CERK: variants seen among roughly 807,000 people sequenced by gnomAD.
CERK encodes acylsphingosine kinase.
CERK carries 39 observed loss-of-function variants against 63.4 expected under a neutral mutation model. The observed-to-expected ratio is 0.61, with a 90% confidence interval of 0.48 to 0.80. The LOEUF is 0.80. CERK is among the 30% of genes least tolerant of loss of function. The pLI is 0.00. For synonymous variants in CERK, 302 were observed against 280.0 expected (o/e 1.08, Z -0.78); for missense variants, 670 against 714.1 (o/e 0.94, Z 0.70).
chr22:46,699,129 C>G (rs996997371), intron 8 of CERK, among the ~76,000 whole-genome samples, 184 bp downstream of exon 8: 1 of 151,962 alleles, frequency 6.6e-6, no homozygotes, highest in African/African-American at 2.4e-5. Context: ...TTAGAGCAAT[C>G]CAGGTTCCAG....
At position 46,720,077 on chromosome 22, in the gene CERK, C is replaced by G; in HGVS notation, c.379+9G>C. 6.2e-7 allele frequency: 1 copy of G among 1,612,766 alleles called. No homozygotes were observed. Among genetic ancestry groups the G allele is most frequent in the Non-Finnish European group, 8.5e-7 (1 of 1,179,522 alleles). On this transcript the variant is annotated intron_variant, in intron 3 of 12. Transcript: ENST00000216264. ...GCCATCCTGTCTCTCAGTCCAAACACACACGTACTCAGCTTCTCCAGCATC... is the reference window on the plus strand; with the variant it reads ...GCCATCCTGTCTCTCAGTCCAAACAGACACGTACTCAGCTTCTCCAGCATC...
At position 46,738,133 on chromosome 22, in the gene CERK, C is replaced by T; in HGVS notation, c.16G>A (p.Ala6Thr). 2 of 1,214,796 alleles carry T rather than the reference C, an allele frequency of 1.6e-6. No homozygotes were observed. The highest frequency in any genetic ancestry group is 2.6e-5 in the South Asian group (1 of 38,770). 75.3% of individuals were successfully genotyped at this position (1,214,796 alleles called of 1,614,324 possible). A position where few individuals can be genotyped will look rare whatever the true frequency, so the allele number is the denominator to read the frequency against. ...AGCACGGATTGCAGCGGCTCCGCCG[C>T]CCCCGTCGCCCCCATCTCCGCCGCC... is the stretch of plus-strand genomic sequence containing the variant. MGATG[A>T]AEPLQSVLWV... Residue 6 changes from alanine to threonine, a missense_variant, in exon 1 of 13, where the codon GCG (alanine) becomes ACG (threonine). Transcript: ENST00000216264.
chr22:46,717,264 C>T (rs5767332), intron 3 of CERK, among the ~76,000 whole-genome samples: 4 of 152,312 alleles, frequency 2.6e-5, no homozygotes, highest in South Asian at 2.1e-4. Flanking sequence ...TACAACCCAG[C>T]GACTCCATTC....
At chr22:46,689,960 G>A (rs1193232111) in intron 12 of CERK, 32 bp downstream of exon 12, 1 of 1,541,696 alleles carries the variant, frequency 6.5e-7, no homozygotes, top group Admixed American at 1.9e-5. Flanking sequence ...TCAAGGGGAT[G>A]GCGCTGGTGG....
chr22:46,709,106 G>A (rs2146565861), intron 5 of CERK, among the ~76,000 whole-genome samples: 1 of 152,174 alleles, frequency 6.6e-6, no homozygotes, highest in East Asian at 1.9e-4. Context: ...TTCCCAGCGG[G>A]GCTGTGGTTT....
Position 46,738,164 on chromosome 22 carries a change from C to G in CERK, c.-16G>C. The G allele has an allele frequency of 8.6e-7, 1 of 1,164,998 alleles. No homozygotes were observed. The highest frequency in any genetic ancestry group is 1.1e-6 in the Non-Finnish European group (1 of 946,970). 72.2% of individuals were successfully genotyped at this position (1,164,998 alleles called of 1,614,324 possible). A position where few individuals can be genotyped will look rare whatever the true frequency, so the allele number is the denominator to read the frequency against. On this transcript the variant is annotated 5_prime_UTR_variant, in exon 1 of 13. Transcript: ENST00000216264. ...TCGCCCCCATCTCCGCCGCCGGGCTCGTCCGCCAGGCTGGGGGCGCGCGGA... is the reference window on the plus strand; with the variant it reads ...TCGCCCCCATCTCCGCCGCCGGGCTGGTCCGCCAGGCTGGGGGCGCGCGGA...
intron 12 of CERK, among the ~76,000 whole-genome samples, chr22:46,689,086 G>A (rs1319800090): frequency 2.0e-5 from 3 of 152,254 alleles, no homozygotes; most frequent in African/African-American, 7.2e-5. Context: ...CGCCCAGCCA[G>A]CCAGAGGAGG....
At chr22:46,697,540 C>T (rs936117964) in intron 8 of CERK, among the ~76,000 whole-genome samples, 4 of 152,058 alleles carry the variant, frequency 2.6e-5, no homozygotes, top group African/African-American at 9.7e-5. Flanking sequence ...AGGTCTCGCT[C>T]TGTTGCCCAG....
chr22:46,699,332 A>G lies in CERK; in HGVS notation c.924T>C (p.Leu308=). ...KDSEKKRWLG[L]ARYDFSGLKT... ...AGTTACCTGAAAAGTCGTATCTGGC[A>G]AGACCCAACCACCGTTTCTTCTCAC... The change falls in exon 8 of 13, where the codon CTT becomes CTC. Residue 308 remains leucine, a synonymous_variant. Transcript: ENST00000216264. The G allele has an allele frequency of 6.2e-7, 1 of 1,614,196 alleles. No homozygotes were observed. The highest frequency in any genetic ancestry group is 8.5e-7 in the Non-Finnish European group (1 of 1,180,036).
Position 46,695,335 on chromosome 22 carries a change from A to T in CERK, c.944-20T>A. The stretch of plus-strand genomic sequence containing the variant: ...TTAAACCTGGGAACAGAGTGCAGTG[A>T]AGAAAAAACATCCACAAGGGTCATT... On this transcript the variant is annotated intron_variant, in intron 8 of 12. Transcript: ENST00000216264. 1 of 1,346,094 alleles carries T rather than the reference A, an allele frequency of 7.4e-7. No homozygotes were observed. Among genetic ancestry groups the T allele is most frequent in the Non-Finnish European group, 1.1e-6 (1 of 935,522 alleles). 83.4% of individuals were successfully genotyped at this position (1,346,094 alleles called of 1,614,324 possible).
At chr22:46,737,960 C>T (rs2082983859) in intron 1 of CERK, 47 bp downstream of exon 1, 1 of 1,143,552 alleles carries the variant, frequency 8.7e-7, no homozygotes, top group African/African-American at 1.6e-5. Context: ...AAGCCGCCCC[C>T]GCTCCCTGGC....
At chr22:46,723,101 T>G (rs1159421925) in intron 1 of CERK, among the ~76,000 whole-genome samples, 1 of 152,156 alleles carries the variant, frequency 6.6e-6, no homozygotes, top group African/African-American at 2.4e-5. Context: ...AAGGACGCCC[T>G]GGGGTGAATC....
At chr22:46,737,031 C>T (rs1486015386) in intron 1 of CERK, among the ~76,000 whole-genome samples, 1 of 152,196 alleles carries the variant, frequency 6.6e-6, no homozygotes, top group East Asian at 1.9e-4. Context: ...CGGTTGCTCA[C>T]ACCTGTAATC....
intron 6 of CERK, among the ~76,000 whole-genome samples, chr22:46,707,443 C>T (rs1049030806): frequency 5.3e-5 from 8 of 152,134 alleles, no homozygotes; most frequent in African/African-American, 1.9e-4. Flanking sequence ...AGTCTCCTCC[C>T]AACTCCCCAG....
chr22:46,694,997 G>A (rs1407622140), intron 9 of CERK, among the ~76,000 whole-genome samples: 1 of 152,226 alleles, frequency 6.6e-6, no homozygotes, highest in Non-Finnish European at 1.5e-5. Context: ...TGGCACAGCA[G>A]CAGCTGCCTG....
chr22:46,728,338 C>A (rs2082930002), intron 1 of CERK, among the ~76,000 whole-genome samples: 1 of 152,060 alleles, frequency 6.6e-6, no homozygotes, highest in Non-Finnish European at 1.5e-5. Context: ...CCCCGTGCAC[C>A]CTGCTATGAA....
chr22:46,702,310 T>C (rs1229898825), intron 6 of CERK, among the ~76,000 whole-genome samples: 42 of 116,756 alleles, frequency 3.6e-4, no homozygotes, highest in Admixed American at 1.2e-3. Flanking sequence ...TTTTTTTTTT[T>C]CCGAGACGGA....
chr22:46,709,720 C>A (rs2082831132), intron 5 of CERK, among the ~76,000 whole-genome samples: 1 of 152,156 alleles, frequency 6.6e-6, no homozygotes. Context: ...AATGACAAGG[C>A]AATTAACTAC....
At chr22:46,702,223 ATGTGTGTGTGTG>A (rs34222392) in intron 6 of CERK, among the ~76,000 whole-genome samples, 6,043 of 84,746 alleles carry the variant, frequency 0.071, 472 homozygotes, top group East Asian at 0.33. Flanking sequence ...AAATATATAT[ATGTGTGTGTGTG>A]TGTGTGTGTG....
Sources: allele counts gnomAD v4.1 joint callset (sites outside exome capture counted in the v4.1 genomes callset), GRCh38; gene constraint gnomAD v4.1.1; transcripts MANE v1.5; gene names NCBI Gene and HGNC (gene_info 2026-07-23, HGNC 2026-07-21).